PDZD2: variants seen among roughly 807,000 people sequenced by gnomAD.
PDZD2 encodes the protein PDZ domain containing 2.
Under a neutral mutation model 220.7 loss-of-function variants are expected in PDZD2, and 90 were observed. The ratio of observed to expected loss-of-function variants is 0.41; its 90% CI spans 0.34 to 0.49. The LOEUF is 0.49. Among genes scored for constraint, PDZD2 ranks in the 20% least tolerant of loss-of-function variants. The pLI is 0.28. For synonymous variants in PDZD2, 1,375 were observed against 1,450.5 expected (o/e 0.95, Z 1.18); for missense variants, 3,174 against 3,608.5 (o/e 0.88, Z 3.08).
At chr5:31,986,076 CAAAAAA>C (rs55659088) in intron 3 of PDZD2, among the ~76,000 whole-genome samples, 1 of 102,724 alleles carries the variant, frequency 9.7e-6, no homozygotes, top group Non-Finnish European at 1.9e-5. Flanking sequence ...ACTCTTGTCT[CAAAAAA>C]AAAAAAAAAA....
intron 7 of PDZD2, among the ~76,000 whole-genome samples, chr5:32,041,699 C>T (rs991199744): frequency 1.3e-4 from 20 of 152,026 alleles, no homozygotes; most frequent in African/African-American, 4.6e-4. Flanking sequence ...GGGACACAAA[C>T]ACTGCGGAAG....
At chr5:32,092,695 G>C (rs1198503337) in intron 20 of PDZD2, among the ~76,000 whole-genome samples, 1 of 152,228 alleles carries the variant, frequency 6.6e-6, no homozygotes, top group African/African-American at 2.4e-5. Context: ...ATTCATAGCA[G>C]TTCCCCTTGC....
intron 6 of PDZD2, among the ~76,000 whole-genome samples, chr5:32,018,436 G>C (rs1753941100): frequency 6.6e-6 from 1 of 152,208 alleles, no homozygotes; most frequent in African/African-American, 2.4e-5. Flanking sequence ...GAGGGAGTGA[G>C]GCCAAGGTGT....
intron 2 of PDZD2, among the ~76,000 whole-genome samples, chr5:31,820,305 T>G (rs1450425093): frequency 6.6e-6 from 1 of 152,194 alleles, no homozygotes; most frequent in Non-Finnish European, 1.5e-5. Context: ...CATCTAGGCA[T>G]GCTGAGGTCA....
intron 19 of PDZD2, among the ~76,000 whole-genome samples, chr5:32,079,232 C>T (rs1741658314): frequency 7.2e-6 from 1 of 139,242 alleles, no homozygotes; most frequent in Non-Finnish European, 1.5e-5. Flanking sequence ...GCACTCCAGC[C>T]TGGGGGACAG....
chr5:31,809,320 C>T (rs957919835), intron 2 of PDZD2, among the ~76,000 whole-genome samples: 9 of 152,186 alleles, frequency 5.9e-5, no homozygotes, highest in African/African-American at 2.2e-4. Flanking sequence ...TATTCACAGG[C>T]TGTGTGTGTT....
intron 1 of PDZD2, among the ~76,000 whole-genome samples, chr5:31,683,742 A>G (rs1475359502): frequency 6.6e-6 from 1 of 152,098 alleles, no homozygotes; most frequent in Non-Finnish European, 1.5e-5. Context: ...CTTGTTTCTA[A>G]TTTTTTACTG....
At chr5:32,004,284 G>C (rs994043784) in intron 5 of PDZD2, among the ~76,000 whole-genome samples, 6 of 152,080 alleles carry the variant, frequency 3.9e-5, no homozygotes, top group Admixed American at 3.9e-4. Flanking sequence ...TCAGTGAATG[G>C]TATTAAGTTC....
intron 2 of PDZD2, among the ~76,000 whole-genome samples, chr5:31,960,540 G>T (rs1262937522): frequency 6.6e-6 from 1 of 152,034 alleles, no homozygotes; most frequent in Non-Finnish European, 1.5e-5. Flanking sequence ...TCCATTTCCA[G>T]TTGGAGGCAG....
chr5:31,718,904 G>A (rs1408222118), intron 1 of PDZD2, among the ~76,000 whole-genome samples: 2 of 151,960 alleles, frequency 1.3e-5, no homozygotes, highest in East Asian at 3.9e-4. Flanking sequence ...GTTTCACCAC[G>A]TTAGCCAGGA....
intron 2 of PDZD2, among the ~76,000 whole-genome samples, chr5:31,921,362 C>T (rs1352331215): frequency 7.0e-6 from 1 of 143,806 alleles, no homozygotes; most frequent in East Asian, 2.3e-4. Flanking sequence ...GAACTATGCT[C>T]AAATGGTTGT....
intron 2 of PDZD2, among the ~76,000 whole-genome samples, chr5:31,949,927 C>T (rs759708365): frequency 6.6e-6 from 1 of 151,844 alleles, no homozygotes; most frequent in Non-Finnish European, 1.5e-5. Flanking sequence ...TGTGATCCTC[C>T]CACCTTGGCC....
At chr5:32,096,469 C>T (rs1743710484) in intron 21 of PDZD2, among the ~76,000 whole-genome samples, 2 of 152,290 alleles carry the variant, frequency 1.3e-5, no homozygotes, top group South Asian at 4.1e-4. Flanking sequence ...AGGTGTCCGC[C>T]ACCACGCCCG....
At chr5:31,994,387 G>A (rs778505971) in intron 3 of PDZD2, among the ~76,000 whole-genome samples, 1 of 152,102 alleles carries the variant, frequency 6.6e-6, no homozygotes, top group Non-Finnish European at 1.5e-5. Context: ...GCAGCCCAGT[G>A]TCTGTGGCAG....
At chr5:32,016,379 G>A (rs551073947) in intron 6 of PDZD2, among the ~76,000 whole-genome samples, 29 of 152,312 alleles carry the variant, frequency 1.9e-4, no homozygotes, top group African/African-American at 7.0e-4. Flanking sequence ...TTGTTTCGGG[G>A]TTGACCTGGT....
intron 1 of PDZD2, among the ~76,000 whole-genome samples, chr5:31,689,812 A>G (rs1747046673): frequency 6.6e-6 from 1 of 152,078 alleles, no homozygotes; most frequent in Non-Finnish European, 1.5e-5. Context: ...AGTTTCCCAT[A>G]ATTTCTGTTC....
intron 6 of PDZD2, among the ~76,000 whole-genome samples, chr5:32,035,256 T>C (rs953354983): frequency 6.7e-6 from 1 of 150,162 alleles, no homozygotes; most frequent in East Asian, 1.9e-4. Flanking sequence ...TTTTTATGTA[T>C]TGAATTTTTT....
At chr5:31,911,748 A>G (rs1021735351) in intron 2 of PDZD2, among the ~76,000 whole-genome samples, 11 of 152,166 alleles carry the variant, frequency 7.2e-5, no homozygotes, top group Admixed American at 6.5e-5. Context: ...TCTAGCAGAA[A>G]AATCATGCTG....
Position 32,058,004 on chromosome 5 carries a change from G to C in PDZD2, c.2101G>C (p.Ala701Pro), listed in dbSNP as rs753630216. 6.2e-7 allele frequency: 1 copy of C among 1,612,544 alleles called. No individual in the cohort carries two copies. The highest frequency in any genetic ancestry group is 2.2e-5 in the East Asian group (1 of 44,874). ...ASPNFNTSGG[A>P]SAGGSDEGSS... ...CCCGAACTTCAATACCAGTGGGGGA[G>C]CCTCAGCGGGAGGTTCCGATGAAGG... is the stretch of plus-strand genomic sequence containing the variant. Residue 701 changes from alanine to proline, a missense_variant, in exon 12 of 25, where the codon GCC (alanine) becomes CCC (proline). Coordinates refer to ENST00000438447, the MANE Select transcript of PDZD2 (RefSeq NM_178140.4).
Sources: gnomAD v4.1 joint callset for allele counts (sites outside exome capture counted in the v4.1 genomes callset) on GRCh38, gnomAD v4.1.1 for gene constraint, MANE v1.5 for transcripts, NCBI Gene and HGNC (gene_info 2026-07-23, HGNC 2026-07-21) for gene names.